The following CHN2 variants were observed in gnomAD, a reference collection of about 807,000 sequenced individuals.
CHN2 encodes beta-chimaerin.
CHN2 carries 35 observed loss-of-function variants against 56.3 expected under a neutral mutation model. The observed-to-expected ratio is 0.62, with a 90% CI of 0.47 to 0.82. CHN2 has a LOEUF of 0.82. Ranked by LOEUF, CHN2 falls within the 40% of genes least tolerant of loss-of-function variation. The probability of loss-of-function intolerance (pLI) is 0.00; values close to 1 mark genes in which losing one functional copy is unlikely to be tolerated. For synonymous variants in CHN2, 210 were observed against 212.8 expected (o/e 0.99, Z 0.12); for missense variants, 491 against 580.5 (o/e 0.85, Z 1.58).
chr7:29,459,715 C>T (rs933174977), intron 6 of CHN2, among the ~76,000 whole-genome samples: 1 of 152,166 alleles, frequency 6.6e-6, no homozygotes, highest in African/African-American at 2.4e-5. Flanking sequence ...GTGACATCAG[C>T]CTGCACCCTA....
At chr7:29,282,040 G>T (rs1406006224) in intron 1 of CHN2, among the ~76,000 whole-genome samples, 1 of 151,952 alleles carries the variant, frequency 6.6e-6, no homozygotes, top group African/African-American at 2.4e-5. Flanking sequence ...AGAACAGGCC[G>T]GGATGGGAAC....
chr7:29,470,243 G>T (rs1785910465), intron 6 of CHN2, among the ~76,000 whole-genome samples: 1 of 152,198 alleles, frequency 6.6e-6, no homozygotes, highest in Admixed American at 6.5e-5. Context: ...AGGACCAATT[G>T]TAGATTTTGG....
chr7:29,431,408 G>T (rs564523091), intron 6 of CHN2, among the ~76,000 whole-genome samples: 1 of 152,294 alleles, frequency 6.6e-6, no homozygotes, highest in South Asian at 2.1e-4. Flanking sequence ...GATGAGATCA[G>T]CTTCTTCCCT....
At chr7:29,309,404 C>G (rs1794416166) in intron 1 of CHN2, among the ~76,000 whole-genome samples, 1 of 152,196 alleles carries the variant, frequency 6.6e-6, no homozygotes, top group African/African-American at 2.4e-5. Context: ...CCACCCTTCC[C>G]TTCTCCACTC....
At chr7:29,350,612 C>T (rs1797805745) in intron 1 of CHN2, among the ~76,000 whole-genome samples, 1 of 152,088 alleles carries the variant, frequency 6.6e-6, no homozygotes, top group South Asian at 2.1e-4. Context: ...TAATGACAGG[C>T]TCCAGATCTG....
intron 3 of CHN2, among the ~76,000 whole-genome samples, chr7:29,386,102 A>G (rs929328617): frequency 1.3e-5 from 2 of 152,236 alleles, no homozygotes; most frequent in Non-Finnish European, 2.9e-5. Flanking sequence ...AAGAAATGCC[A>G]TGAGGAAAAA....
At chr7:29,337,919 GAAACCACAGAACACCA>G (rs1438809629) in intron 1 of CHN2, among the ~76,000 whole-genome samples, 15 of 151,920 alleles carry the variant, frequency 9.9e-5, no homozygotes, top group Admixed American at 2.0e-4. Flanking sequence ...CAAGTGATAA[GAAACCACAGAACACCA>G]AAACCCAGAA....
intron 6 of CHN2, among the ~76,000 whole-genome samples, chr7:29,472,303 A>G (rs1047860662): frequency 7.5e-5 from 11 of 146,868 alleles, no homozygotes; most frequent in Admixed American, 2.0e-4. Flanking sequence ...ACACACGCAC[A>G]CACACACATT....
chr7:29,384,184 G>A (rs1800747425), intron 3 of CHN2, among the ~76,000 whole-genome samples: 1 of 152,126 alleles, frequency 6.6e-6, no homozygotes, highest in Admixed American at 6.5e-5. Context: ...TCTCCAGAAT[G>A]GCCATGTTTT....
intron 1 of CHN2, among the ~76,000 whole-genome samples, chr7:29,301,369 ACACACAC>A (rs1793645584): frequency 6.6e-6 from 1 of 151,648 alleles, no homozygotes; most frequent in Non-Finnish European, 1.5e-5. Context: ...ACACACACAC[ACACACAC>A]ACACACACAC....
chr7:29,456,810 G>C (rs1042192070), intron 6 of CHN2, among the ~76,000 whole-genome samples: 1 of 152,062 alleles, frequency 6.6e-6, no homozygotes, highest in East Asian at 1.9e-4. Flanking sequence ...CACAGGGAGC[G>C]TGCAGACTCA....
intron 2 of CHN2, among the ~76,000 whole-genome samples, chr7:29,361,870 T>G (rs115276389): frequency 2.1e-3 from 322 of 152,370 alleles, no homozygotes; most frequent in African/African-American, 7.3e-3. Flanking sequence ...CCTTCTCATT[T>G]GCATTTGCAC....
At chr7:29,455,127 G>A (rs751356595) in intron 6 of CHN2, among the ~76,000 whole-genome samples, 3 of 152,126 alleles carry the variant, frequency 2.0e-5, no homozygotes, top group Non-Finnish European at 2.9e-5. Context: ...GGCTACGGAT[G>A]TAATGTTACT....
chr7:29,316,122 C>T (rs894735488), intron 1 of CHN2, among the ~76,000 whole-genome samples: 1 of 152,278 alleles, frequency 6.6e-6, no homozygotes, highest in East Asian at 1.9e-4. Flanking sequence ...GAACTCCACA[C>T]CTCTTACAGC....
At chr7:29,216,344 T>C (rs762129329) in intron 1 of CHN2, among the ~76,000 whole-genome samples, 2 of 152,194 alleles carry the variant, frequency 1.3e-5, no homozygotes, top group African/African-American at 2.4e-5. Context: ...AGGATTGAGA[T>C]AATTGACAAG....
chr7:29,258,110 AC>A (rs1789227427), intron 1 of CHN2, among the ~76,000 whole-genome samples: 1 of 152,092 alleles, frequency 6.6e-6, no homozygotes, highest in African/African-American at 2.4e-5. Flanking sequence ...ATGAAATACT[AC>A]TTTCATCTCT....
intron 1 of CHN2, among the ~76,000 whole-genome samples, chr7:29,211,869 A>C (rs1784985108): frequency 1.3e-5 from 2 of 152,228 alleles, no homozygotes; most frequent in Non-Finnish European, 1.5e-5. Context: ...GTGGGCTTTT[A>C]TTACAAATGT....
chr7:29,164,527 A>G (rs899275937), intron 2 of CHN2, among the ~76,000 whole-genome samples: 2 of 152,014 alleles, frequency 1.3e-5, no homozygotes, highest in Non-Finnish European at 1.5e-5. Context: ...GCTAACACCT[A>G]TAATTCCAGC....
intron 1 of CHN2, among the ~76,000 whole-genome samples, chr7:29,248,354 C>T (rs555919644): frequency 5.9e-5 from 9 of 152,326 alleles, no homozygotes; most frequent in Admixed American, 2.0e-4. Flanking sequence ...TGCCAACCTG[C>T]GACCCTAGTC....
Sources: gnomAD v4.1 joint callset for allele counts (sites outside exome capture counted in the v4.1 genomes callset) on GRCh38, gnomAD v4.1.1 for gene constraint, MANE v1.5 for transcripts, NCBI Gene and HGNC (gene_info 2026-07-23, HGNC 2026-07-21) for gene names.